KCNJ6: variants seen among roughly 807,000 people sequenced by gnomAD.
The protein encoded by KCNJ6 is G protein-activated inward rectifier potassium channel 2.
In KCNJ6, 9 loss-of-function variants were observed where a neutral mutation model predicts 34.2. That is an observed-to-expected ratio of 0.26 (90% CI 0.16 to 0.46). KCNJ6 has a LOEUF of 0.46. Ranked by LOEUF, KCNJ6 falls within the 20% of genes least tolerant of loss-of-function variation. The probability of loss-of-function intolerance (pLI) is 1.00; values close to 1 mark genes in which losing one functional copy is unlikely to be tolerated. For missense variants in KCNJ6, 236 were observed against 531.3 expected (o/e 0.44, Z 5.46); for synonymous variants, 196 against 207.1 (o/e 0.95, Z 0.46).
intron 2 of KCNJ6, among the ~76,000 whole-genome samples, chr21:37,799,879 T>C (rs2055261083): frequency 6.6e-6 from 1 of 152,208 alleles, no homozygotes. Flanking sequence ...ATGGATTCTA[T>C]TTTAAAGTTA....
chr21:37,901,853 G>A (rs2055818356), intron 1 of KCNJ6, among the ~76,000 whole-genome samples: 1 of 152,108 alleles, frequency 6.6e-6, no homozygotes, highest in Non-Finnish European at 1.5e-5. Context: ...CATATGCTTG[G>A]CATTAAAAAT....
intron 2 of KCNJ6, among the ~76,000 whole-genome samples, chr21:37,783,152 T>C (rs2055177484): frequency 6.6e-6 from 1 of 152,194 alleles, no homozygotes; most frequent in Admixed American, 6.5e-5. Flanking sequence ...TCAAGAATCC[T>C]GACTTCACCC....
chr21:37,768,608 C>T (rs192746544), intron 2 of KCNJ6, among the ~76,000 whole-genome samples: 4 of 152,274 alleles, frequency 2.6e-5, no homozygotes, highest in Admixed American at 2.6e-4. Flanking sequence ...AGATCTTTAC[C>T]ATGTACAAGA....
intron 3 of KCNJ6, among the ~76,000 whole-genome samples, chr21:37,665,553 A>C (rs1341604213): frequency 6.6e-6 from 1 of 152,188 alleles, no homozygotes; most frequent in Non-Finnish European, 1.5e-5. Flanking sequence ...GGAGATTGCA[A>C]CCTTGGTGAG....
intron 1 of KCNJ6, among the ~76,000 whole-genome samples, chr21:37,890,202 T>A (rs1282141614): frequency 1.3e-5 from 2 of 152,078 alleles, no homozygotes; most frequent in Admixed American, 1.3e-4. Context: ...AGCAAGCACA[T>A]CCTTCTTCAC....
rs1383577231 is a variant in KCNJ6, at chr21:37,614,940, G to GA, written c.*10218dup. The GA allele has an allele frequency of 1.3e-5, 2 of 152,134 alleles. No individual in the cohort carries two copies. The highest frequency in any genetic ancestry group is 2.9e-5 in the Non-Finnish European group (2 of 68,018). The allele number at this position is 152,134 out of a possible 1,614,324, so 9.4% of individuals were successfully genotyped here. A position where few individuals can be genotyped will look rare whatever the true frequency, so the allele number is the denominator to read the frequency against. ...AGGAATCCTCATTCTTTTAGAAAAGGAAAAAATCTCTATGAAGGTGCACAC... is the reference window on the plus strand; with the variant it reads ...AGGAATCCTCATTCTTTTAGAAAAGGAAAAAAATCTCTATGAAGGTGCACAC... On this transcript the variant is annotated 3_prime_UTR_variant, in exon 4 of 4. Coordinates refer to ENST00000609713, the MANE Select transcript of KCNJ6 (RefSeq NM_002240.5).
At chr21:37,871,578 A>T (rs1410857405) in intron 1 of KCNJ6, among the ~76,000 whole-genome samples, 1 of 152,234 alleles carries the variant, frequency 6.6e-6, no homozygotes, top group African/African-American at 2.4e-5. Flanking sequence ...CCTGAATAAC[A>T]GTAAGATTTG....
chr21:37,727,829 A>C (rs922949882), intron 2 of KCNJ6, among the ~76,000 whole-genome samples: 3 of 152,176 alleles, frequency 2.0e-5, no homozygotes, highest in African/African-American at 7.2e-5. Flanking sequence ...AAACTGGCTC[A>C]TTTTTGAGTG....
chr21:37,848,383 T>C (rs2055520770), intron 1 of KCNJ6, among the ~76,000 whole-genome samples: 1 of 152,200 alleles, frequency 6.6e-6, no homozygotes, highest in African/African-American at 2.4e-5. Flanking sequence ...TTTTCACAAT[T>C]TGGGGTAAAA....
intron 1 of KCNJ6, among the ~76,000 whole-genome samples, chr21:37,848,262 C>T (rs537930653): frequency 1.3e-5 from 2 of 152,186 alleles, no homozygotes; most frequent in Non-Finnish European, 2.9e-5. Flanking sequence ...CGGGGACTAG[C>T]AGATTTGAAG....
chr21:37,758,199 G>A (rs963792830), intron 2 of KCNJ6, among the ~76,000 whole-genome samples: 4 of 151,512 alleles, frequency 2.6e-5, no homozygotes, highest in East Asian at 1.9e-4. Flanking sequence ...GAGTCACCAC[G>A]GAGGTGGGTG....
At chr21:37,810,670 T>G (rs1404099023) in intron 2 of KCNJ6, among the ~76,000 whole-genome samples, 1 of 152,242 alleles carries the variant, frequency 6.6e-6, no homozygotes, top group East Asian at 1.9e-4. Flanking sequence ...CTATTGACCC[T>G]TGATCATTTG....
intron 2 of KCNJ6, among the ~76,000 whole-genome samples, chr21:37,805,906 C>T (rs745513162): frequency 1.2e-4 from 19 of 152,312 alleles, no homozygotes; most frequent in African/African-American, 2.2e-4. Flanking sequence ...GAGCCTTCAG[C>T]GACAGCATGA....
At chr21:37,713,688 C>T (rs564903296) in intron 3 of KCNJ6, among the ~76,000 whole-genome samples, 9 of 152,260 alleles carry the variant, frequency 5.9e-5, no homozygotes, top group African/African-American at 1.2e-4. Flanking sequence ...TTACTGGGAG[C>T]TCAGCAGGTT....
At chr21:37,837,162 A>G (rs767416515) in intron 2 of KCNJ6, among the ~76,000 whole-genome samples, 1 of 151,442 alleles carries the variant, frequency 6.6e-6, no homozygotes, top group Non-Finnish European at 1.5e-5. Context: ...TTGTTTCTCT[A>G]TCTCTTCTTC....
chr21:37,679,020 TTC>T (rs2054579277), intron 3 of KCNJ6, among the ~76,000 whole-genome samples: 2 of 152,208 alleles, frequency 1.3e-5, no homozygotes, highest in African/African-American at 4.8e-5. Context: ...GCTGTGGGTT[TTC>T]TCTTTCTCTC....
intron 3 of KCNJ6, among the ~76,000 whole-genome samples, chr21:37,648,575 A>G (rs1168926938): frequency 6.6e-6 from 1 of 152,214 alleles, no homozygotes; most frequent in Non-Finnish European, 1.5e-5. Flanking sequence ...ACTTGTAACC[A>G]AATTGCCAAT....
intron 2 of KCNJ6, among the ~76,000 whole-genome samples, chr21:37,799,797 G>A (rs2055260672): frequency 6.6e-6 from 1 of 151,920 alleles, no homozygotes; most frequent in Non-Finnish European, 1.5e-5. Flanking sequence ...GTTTAGTTTG[G>A]GCATCTTCCC....
chr21:37,909,210 A>T (rs2123652513), intron 1 of KCNJ6, among the ~76,000 whole-genome samples: 1 of 152,332 alleles, frequency 6.6e-6, no homozygotes, highest in East Asian at 1.9e-4. Flanking sequence ...ATTTTGTTAA[A>T]TTAGTGAGAT....
Sources: allele counts gnomAD v4.1 joint callset (sites outside exome capture counted in the v4.1 genomes callset), GRCh38; gene constraint gnomAD v4.1.1; transcripts MANE v1.5; gene names NCBI Gene and HGNC (gene_info 2026-07-23, HGNC 2026-07-21).